ZNF541: variants seen among roughly 807,000 people sequenced by gnomAD.
The protein encoded by ZNF541 is zinc finger protein 541.
Under a neutral mutation model 123.5 loss-of-function variants are expected in ZNF541, and 23 were observed. The ratio of observed to expected loss-of-function variants is 0.19; its 90% confidence interval spans 0.13 to 0.26. The LOEUF is 0.26. Among genes scored for constraint, ZNF541 ranks in the 10% least tolerant of loss-of-function variants. The pLI, the probability that ZNF541 is intolerant of heterozygous loss-of-function variation, is 1.00. For synonymous variants in ZNF541, 751 were observed against 754.5 expected, an observed-to-expected ratio of 1.00 and a Z score of 0.08; for missense variants, 1,612 against 1,789.9, an observed-to-expected ratio of 0.90 and a Z score of 1.79.
chr19:47,572,572 G>C (rs1300010444), intron 1 of ZNF541, among the ~76,000 whole-genome samples: 1 of 151,988 alleles, frequency 6.6e-6, no homozygotes, highest in Non-Finnish European at 1.5e-5. Flanking sequence ...GAGAGATTTG[G>C]AGTTTTGCTG....
At chr19:47,530,673 G>A (rs1969526843) in intron 12 of ZNF541, among the ~76,000 whole-genome samples, 1 of 151,682 alleles carries the variant, frequency 6.6e-6, no homozygotes, top group Admixed American at 6.6e-5. Context: ...TTGAGACGGA[G>A]TCTCACTCTG....
intron 2 of ZNF541, among the ~76,000 whole-genome samples, chr19:47,569,261 A>G (rs555552602): frequency 1.2e-4 from 18 of 152,238 alleles, no homozygotes; most frequent in African/African-American, 3.9e-4. Context: ...TAATAATAAT[A>G]ATAATAATAA....
At chr19:47,555,977 G>A in intron 2 of ZNF541, 23 bp from the exon 3 acceptor site, 1 of 1,089,906 alleles carries the variant, frequency 9.2e-7, no homozygotes, top group Non-Finnish European at 1.3e-6. Context: ...CAAGAAGAAT[G>A]AAAGTTATTA....
Position 47,545,391 on chromosome 19 carries a change from T to G in ZNF541, c.1138A>C (p.Thr380Pro), listed in dbSNP as rs1970296915. ...CCGCCTTCGGGCCAGCACTCCGCGGTGGACCGGGCCTGGAGCAGCGCGGTA... is the reference window on the plus strand; with the variant it reads ...CCGCCTTCGGGCCAGCACTCCGCGGGGGACCGGGCCTGGAGCAGCGCGGTA... ...PDTALLQARS[T>P]AECWPEGGSV... is the part of the protein sequence containing the mutation. The change falls in exon 5 of 17, where the codon ACC (threonine) becomes CCC (proline). Residue 380 changes from threonine to proline, a missense_variant. Around this residue, in one of 5 missense-constraint regions of ZNF541, gnomAD observed 1,080 missense variants for 1,013.8 expected, o/e 1.07. Coordinates refer to ENST00000391901, the MANE Select transcript of ZNF541 (RefSeq NM_001277075.3). The surrounding 1 kb of genome is among the most constrained non-coding windows in gnomAD (Gnocchi z 7.5). The G allele has an allele frequency of 6.6e-7, 1 of 1,519,920 alleles. No individual in the cohort carries two copies. Among genetic ancestry groups the G allele is most frequent in the South Asian group, 1.2e-5 (1 of 80,032 alleles). 94.2% of individuals were successfully genotyped at this position (1,519,920 alleles called of 1,614,324 possible).
At chr19:47,526,574 C>G (rs73574329) in intron 14 of ZNF541, among the ~76,000 whole-genome samples, 3,121 of 151,328 alleles carry the variant, frequency 0.021, 100 homozygotes, top group African/African-American at 0.071. Context: ...GGCATACAGA[C>G]AGCAAACAGG....
intron 14 of ZNF541, among the ~76,000 whole-genome samples, chr19:47,525,993 T>C (rs1314346815): frequency 6.6e-6 from 1 of 150,704 alleles, no homozygotes; most frequent in East Asian, 1.9e-4. Context: ...GGCAAAGAAT[T>C]CTTAGATACA....
chr19:47,542,500 A>G (rs1970124001), intron 5 of ZNF541, among the ~76,000 whole-genome samples: 1 of 151,990 alleles, frequency 6.6e-6, no homozygotes, highest in Admixed American at 6.6e-5. Context: ...AAAAATACAA[A>G]AATTAGCTGG....
At position 47,521,773 on chromosome 19, in the gene ZNF541, C is replaced by T; in HGVS notation, c.3711+81G>A. On this transcript the variant is annotated intron_variant, in intron 15 of 16. Coordinates refer to ENST00000391901, the MANE Select transcript of ZNF541 (RefSeq NM_001277075.3). The surrounding 1 kb of genome is among the most constrained non-coding windows in gnomAD (Gnocchi z 4.2). ...CCCTTCCATCAGGAGCACCCCCGCC[C>T]TCTGACCCCACCGTCCAACTCAACG... 6.5e-7 allele frequency: 1 copy of T among 1,529,200 alleles called. No individual in the cohort carries two copies. The highest frequency in any genetic ancestry group is 1.2e-5 in the South Asian group (1 of 80,988). 94.7% of individuals were successfully genotyped at this position (1,529,200 alleles called of 1,614,324 possible). A position where few individuals can be genotyped will look rare whatever the true frequency, so the allele number is the denominator to read the frequency against.
In ZNF541 at chr19:47,545,754, G is replaced by T. The variant is rs1257322980; in HGVS notation, c.775C>A (p.Pro259Thr). The change falls in exon 5 of 17, where the codon CCC (proline) becomes ACC (threonine). Residue 259 changes from proline to threonine, a missense_variant. By Grantham distance (38) the Pro-to-Thr change is conservative. Around this residue, in one of 5 missense-constraint regions of ZNF541, gnomAD observed 1,080 missense variants for 1,013.8 expected, o/e 1.07. Transcript: ENST00000391901. The surrounding 1 kb of genome is among the most constrained non-coding windows in gnomAD (Gnocchi z 7.5). ...PPPSSLRSLV[P>T]PEARSPGSLL... The stretch of plus-strand genomic sequence containing the variant: ...GAGCCGGGGGACCTGGCCTCTGGGG[G>T]CACCAGGGACCGCAGGCTGCTGGGG... 8 of 1,542,972 alleles carry T rather than the reference G, an allele frequency of 5.2e-6. No individual in the cohort carries two copies. The highest frequency in any genetic ancestry group is 7.0e-6 in the Non-Finnish European group (8 of 1,145,528).
At chr19:47,569,813 A>C (rs1167331672) in intron 2 of ZNF541, among the ~76,000 whole-genome samples, 3 of 152,012 alleles carry the variant, frequency 2.0e-5, no homozygotes, top group Admixed American at 6.6e-5. Context: ...TGGGAGGTCG[A>C]GGCTCCAGTG....
chr19:47,533,063 A>G (rs969816339), intron 9 of ZNF541, 91 bp from the exon 10 acceptor site: 39 of 1,248,782 alleles, frequency 3.1e-5, no homozygotes, highest in Non-Finnish European at 4.3e-5. Context: ...AGCTGAAAGC[A>G]GGGTCTTTAA....
Position 47,538,312 on chromosome 19 carries a change from C to T in ZNF541, c.2924G>A (p.Arg975Gln), listed in dbSNP as rs201524743. 302 of 1,545,824 alleles carry T rather than the reference C, an allele frequency of 2.0e-4. 2 individuals carry two copies. In the Admixed American group the frequency reaches 2.7e-3, roughly 14 times the overall value. ...GCAGTCCACCAGGAACATGGGTGAC[C>T]GCAGGCGGCTCTGGTGGCATCCTGC... ...GPAGCHQSRL[R>Q]SPMFLVDCLL... Residue 975 changes from arginine (R) to glutamine (Q), a missense_variant, in exon 9 of 17, where the codon CGG becomes CAG. Physicochemically the swap from Arg to Gln is conservative, Grantham distance 43 (BLOSUM62 1). Transcript: ENST00000391901.
At chr19:47,554,104 A>G (rs1488334717) in intron 3 of ZNF541, among the ~76,000 whole-genome samples, 1 of 152,160 alleles carries the variant, frequency 6.6e-6, no homozygotes, top group African/African-American at 2.4e-5. Context: ...TATCTCTGCA[A>G]GACTATGTAT....
At chr19:47,538,922 T>G (rs1189926726) in intron 8 of ZNF541, among the ~76,000 whole-genome samples, 1 of 152,048 alleles carries the variant, frequency 6.6e-6, no homozygotes, top group African/African-American at 2.4e-5. Context: ...CACTCGTAAC[T>G]CACCATGCTC....
intron 14 of ZNF541, among the ~76,000 whole-genome samples, chr19:47,527,391 T>C (rs1370143834): frequency 2.0e-5 from 3 of 152,156 alleles, no homozygotes; most frequent in Non-Finnish European, 4.4e-5. Flanking sequence ...CAGTGAGATC[T>C]CATCCTTTGG....
chr19:47,572,512 G>T (rs1971510297), intron 1 of ZNF541, among the ~76,000 whole-genome samples: 1 of 151,800 alleles, frequency 6.6e-6, no homozygotes, highest in Non-Finnish European at 1.5e-5. Context: ...CTTTTTTTGC[G>T]CTAAGGGAAG....
intron 9 of ZNF541, 49 bp downstream of exon 9, chr19:47,538,093 C>T: frequency 6.5e-7 from 1 of 1,543,066 alleles, no homozygotes. Flanking sequence ...CTGTGGTCCG[C>T]AGGCAATCCA....
At chr19:47,536,610 A>G (rs1415906864) in intron 9 of ZNF541, among the ~76,000 whole-genome samples, 1 of 152,146 alleles carries the variant, frequency 6.6e-6, no homozygotes, top group Non-Finnish European at 1.5e-5. Context: ...ATTACAAAAA[A>G]TTAGCCAGGC....
At position 47,524,434 on chromosome 19, in the gene ZNF541, G is replaced by T. The variant is rs529985243; in HGVS notation, c.3571-2440C>A. Among the ~76,000 whole-genome samples the T allele has an allele frequency of 7.9e-5, 12 of 152,254 alleles. No homozygotes were observed. The East Asian group carries it at 2.3e-3, about 29-fold the overall frequency. On this transcript the variant is annotated intron_variant, in intron 14 of 16. Transcript: ENST00000391901. ...CAAAGAGTTATGCCAGAGGCCAGGC[G>T]CGGTGGCTCACTTGAAATCCCAGCA...
Sources: allele counts gnomAD v4.1 joint callset (sites outside exome capture counted in the v4.1 genomes callset), GRCh38; gene constraint gnomAD v4.1.1; regional missense constraint gnomAD v4.1.1; non-coding constraint Gnocchi (gnomAD v3.1); transcripts MANE v1.5; gene names NCBI Gene and HGNC (gene_info 2026-07-23, HGNC 2026-07-21).